Variants in WWOX observed in about 807,000 individuals in gnomAD.
WWOX encodes WW domain containing oxidoreductase.
Under a neutral mutation model 46.2 loss-of-function variants are expected in WWOX, and 69 were observed. The ratio of observed to expected loss-of-function variants is 1.49; its 90% CI spans 1.23 to 1.82. WWOX has a LOEUF of 1.82. Among genes scored for constraint, WWOX ranks in the 40% most tolerant of loss-of-function variants. The probability of loss-of-function intolerance (pLI) is 0.00; values close to 1 mark genes in which losing one functional copy is unlikely to be tolerated. For missense variants in WWOX, 919 were observed against 542.6 expected, an observed-to-expected ratio of 1.69 and a Z score of -6.89; for synonymous variants, 359 against 202.6, an observed-to-expected ratio of 1.77 and a Z score of -6.56.
chr16:79,047,681 T>TG (rs2048091528), intron 8 of WWOX, among the ~76,000 whole-genome samples: 2 of 143,872 alleles, frequency 1.4e-5, no homozygotes, highest in East Asian at 4.0e-4. Context: ...GATTTTTTTT[T>TG]TTTTTTTTTT....
chr16:78,456,720 A>G (rs984155089), intron 8 of WWOX, among the ~76,000 whole-genome samples: 6 of 152,250 alleles, frequency 3.9e-5, no homozygotes, highest in Admixed American at 2.0e-4. Flanking sequence ...AGAAGAGAAA[A>G]GGTAGAATAT....
chr16:79,007,717 A>G (rs1023395558), intron 8 of WWOX, among the ~76,000 whole-genome samples: 3 of 152,252 alleles, frequency 2.0e-5, no homozygotes, highest in South Asian at 2.1e-4. Flanking sequence ...ACCCGGTATC[A>G]TATAGCTGCT....
chr16:79,064,834 C>T (rs1284792958), intron 8 of WWOX, among the ~76,000 whole-genome samples: 4 of 152,116 alleles, frequency 2.6e-5, no homozygotes, highest in Non-Finnish European at 4.4e-5. Flanking sequence ...AATTATCTGC[C>T]CTGGAATGGC....
chr16:78,939,125 T>C (rs1287814479), intron 8 of WWOX, among the ~76,000 whole-genome samples: 2 of 152,192 alleles, frequency 1.3e-5, no homozygotes, highest in African/African-American at 2.4e-5. Flanking sequence ...TTCTGCCCAT[T>C]GACTTGGGCT....
chr16:78,697,799 TC>T (rs2048132342), intron 8 of WWOX, among the ~76,000 whole-genome samples: 1 of 152,152 alleles, frequency 6.6e-6, no homozygotes, highest in African/African-American at 2.4e-5. Context: ...TAGGGTTTAA[TC>T]CCATCCTAAG....
intron 8 of WWOX, among the ~76,000 whole-genome samples, chr16:78,547,142 A>AAAAAG (rs2044056152): frequency 2.3e-5 from 1 of 43,738 alleles, no homozygotes; most frequent in Non-Finnish European, 9.3e-5. Context: ...AAAAAAAAAA[A>AAAAAG]AAAAAAAAAA....
chr16:78,422,962 T>C (rs2082987609), intron 6 of WWOX, among the ~76,000 whole-genome samples: 1 of 150,382 alleles, frequency 6.6e-6, no homozygotes, highest in African/African-American at 2.5e-5. Flanking sequence ...CTCTGCTCAC[T>C]ACAACCTCTG....
At chr16:78,266,906 C>G (rs1307854436) in intron 5 of WWOX, among the ~76,000 whole-genome samples, 2 of 150,584 alleles carry the variant, frequency 1.3e-5, no homozygotes, top group Non-Finnish European at 3.0e-5. Context: ...ATTGCATCTC[C>G]CAGAATTCCC....
chr16:78,709,304 T>C (rs2048389118), intron 8 of WWOX, among the ~76,000 whole-genome samples: 1 of 152,188 alleles, frequency 6.6e-6, no homozygotes, highest in African/African-American at 2.4e-5. Flanking sequence ...CAAGATTAAC[T>C]CATTTAACTT....
intron 8 of WWOX, among the ~76,000 whole-genome samples, chr16:79,039,315 G>T (rs1231250127): frequency 1.3e-5 from 2 of 152,072 alleles, no homozygotes; most frequent in African/African-American, 4.8e-5. Flanking sequence ...TCTCCTGCCA[G>T]CAGAAGCCAA....
intron 8 of WWOX, among the ~76,000 whole-genome samples, chr16:78,651,764 A>C (rs1277392424): frequency 1.3e-5 from 2 of 152,172 alleles, no homozygotes; most frequent in African/African-American, 2.4e-5. Flanking sequence ...TTTCGTATCA[A>C]CTTATGCTTT....
At chr16:78,983,731 A>G (rs780442861) in intron 8 of WWOX, among the ~76,000 whole-genome samples, 2 of 152,194 alleles carry the variant, frequency 1.3e-5, no homozygotes, top group Non-Finnish European at 2.9e-5. Context: ...TCAATAAGGC[A>G]TTTCAGGAGT....
chr16:78,627,748 T>G (rs2046342901), intron 8 of WWOX, among the ~76,000 whole-genome samples: 1 of 152,200 alleles, frequency 6.6e-6, no homozygotes, highest in South Asian at 2.1e-4. Flanking sequence ...TTAACTCTAT[T>G]TCATTTTGGA....
chr16:78,284,228 T>A lies in WWOX; in HGVS notation c.517-102632T>A, dbSNP rs79894590. 2.0e-3 allele frequency among the ~76,000 whole-genome samples: 300 copies of A among 152,344 alleles called. 2 individuals are homozygous for A. The highest frequency in any genetic ancestry group is 6.7e-3 in the African/African-American group (280 of 41,582). ...TCTTCGGGAGCCAAGTACTTTTTGT[T>A]GGTAACTTCCGTCTACTTTTTGCAG... On this transcript the variant is annotated intron_variant, in intron 5 of 8. Coordinates refer to ENST00000566780, the MANE Select transcript of WWOX (RefSeq NM_016373.4).
At chr16:79,035,621 C>G (rs1050890785) in intron 8 of WWOX, among the ~76,000 whole-genome samples, 1 of 152,210 alleles carries the variant, frequency 6.6e-6, no homozygotes, top group Non-Finnish European at 1.5e-5. Flanking sequence ...CTCACTGCAA[C>G]CTCGTCTCCC....
In WWOX at chr16:78,660,626, G is replaced by A. The variant is rs187581359; in HGVS notation, c.1056+227874G>A. Reference sequence around the variant, plus strand: ...CCACCAGCTCCCTACTCACTTGGGGGAAAATAACCCATCAAAGGAATAGAA... The same window carrying A: ...CCACCAGCTCCCTACTCACTTGGGGAAAAATAACCCATCAAAGGAATAGAA... On this transcript the variant is annotated intron_variant, in intron 8 of 8. Transcript: ENST00000566780. Among the ~76,000 whole-genome samples the A allele has an allele frequency of 4.8e-3, 734 of 152,172 alleles. 5 individuals carry two copies. Among genetic ancestry groups the A allele is most frequent in the South Asian group, 8.5e-3 (41 of 4,820 alleles).
intron 8 of WWOX, among the ~76,000 whole-genome samples, chr16:79,028,551 TC>T (rs1231513602): frequency 6.6e-6 from 1 of 151,638 alleles, no homozygotes; most frequent in Non-Finnish European, 1.5e-5. Flanking sequence ...TTTCTTGCTT[TC>T]TTCCCTCCTC....
At chr16:78,790,403 G>A (rs1178848108) in intron 8 of WWOX, among the ~76,000 whole-genome samples, 2 of 152,056 alleles carry the variant, frequency 1.3e-5, no homozygotes, top group East Asian at 3.9e-4. Context: ...CCAAAGTGCT[G>A]GGATTACAGG....
chr16:78,507,007 C>T (rs541151211), intron 8 of WWOX, among the ~76,000 whole-genome samples: 61 of 152,286 alleles, frequency 4.0e-4, no homozygotes, highest in Non-Finnish European at 7.8e-4. Context: ...AGCCACCGTG[C>T]ACGACCTCAG....
Sources: allele counts gnomAD v4.1 joint callset (sites outside exome capture counted in the v4.1 genomes callset), GRCh38; gene constraint gnomAD v4.1.1; transcripts MANE v1.5; gene names NCBI Gene and HGNC (gene_info 2026-07-23, HGNC 2026-07-21).